PTTG1IP: variants seen among roughly 807,000 people sequenced by gnomAD.
The protein encoded by PTTG1IP is pituitary tumor-transforming gene 1 protein-interacting protein.
In PTTG1IP, 16 loss-of-function variants were observed where a neutral mutation model predicts 24.4. The ratio of observed to expected loss-of-function variants is 0.66; its 90% confidence interval spans 0.44 to 1.00. The LOEUF is 1.00. Ranked by LOEUF, PTTG1IP falls within the 50% of genes least tolerant of loss-of-function variation. PTTG1IP has a pLI of 0.00. For synonymous variants in PTTG1IP, 89 were observed against 96.8 expected, an observed-to-expected ratio of 0.92 and a Z score of 0.47; for missense variants, 241 against 245.8, an observed-to-expected ratio of 0.98 and a Z score of 0.13.
chr21:44,872,006 T>C (rs2083590364), intron 1 of PTTG1IP, among the ~76,000 whole-genome samples: 3 of 152,204 alleles, frequency 2.0e-5, no homozygotes, highest in Admixed American at 2.0e-4. Context: ...CTCTGCACCC[T>C]TCAGCAGTGC....
chr21:44,869,087 C>A (rs894879239), intron 1 of PTTG1IP, among the ~76,000 whole-genome samples: 2 of 152,230 alleles, frequency 1.3e-5, no homozygotes, highest in Admixed American at 1.3e-4. Flanking sequence ...AGGAAACACC[C>A]GGTAAGACCC....
chr21:44,866,850 G>A lies in PTTG1IP; in HGVS notation c.116-1403C>T, dbSNP rs563816101. 2.0e-5 allele frequency among the ~76,000 whole-genome samples: 3 copies of A among 152,368 alleles called. No individual in the cohort carries two copies. In the South Asian group the frequency reaches 6.2e-4, roughly 32 times the overall value. ...GACAATACCAAATGTTGGCAAGGAT[G>A]TACAGCAACAGAACTCTCACACAGT... On this transcript the variant is annotated intron_variant, in intron 1 of 5. Coordinates refer to ENST00000330938, the MANE Select transcript of PTTG1IP (RefSeq NM_004339.4).
chr21:44,860,043 G>A (rs1313238568), intron 3 of PTTG1IP, among the ~76,000 whole-genome samples: 1 of 152,146 alleles, frequency 6.6e-6, no homozygotes, highest in Non-Finnish European at 1.5e-5. Context: ...ATGAGTTCTA[G>A]GTTACAAAAC....
chr21:44,861,994 G>C (rs1392179720), intron 2 of PTTG1IP: 4 of 634,442 alleles, frequency 6.3e-6, no homozygotes, highest in African/African-American at 3.6e-5. Flanking sequence ...CTGACAGCTG[G>C]AGAGAACCTC....
In PTTG1IP at chr21:44,856,234, G is replaced by T; in HGVS notation, c.408C>A (p.Ala136=). 1 of 1,614,110 alleles carries T rather than the reference G, an allele frequency of 6.2e-7. No homozygotes were observed. The highest frequency in any genetic ancestry group is 8.5e-7 in the Non-Finnish European group (1 of 1,180,004). ...TCCGCCTCTCCTCCCGCTCACGCAT[G>T]GCCTTCTCCTCACTCCTGTCCGGCT... is the stretch of plus-strand genomic sequence containing the variant. ...SRKPDRSEEK[A]MREREERRIR... Residue 136 remains alanine, a synonymous_variant, in exon 4 of 6, where the codon GCC becomes GCA. Coordinates refer to ENST00000330938, the MANE Select transcript of PTTG1IP (RefSeq NM_004339.4).
chr21:44,858,670 T>C (rs1483238376), intron 3 of PTTG1IP, among the ~76,000 whole-genome samples: 1 of 152,240 alleles, frequency 6.6e-6, no homozygotes, highest in African/African-American at 2.4e-5. Flanking sequence ...GCCGCTCTCA[T>C]GTGCAGGGCT....
chr21:44,866,396 CACAG>C (rs1287419794), intron 1 of PTTG1IP, among the ~76,000 whole-genome samples: 6 of 109,642 alleles, frequency 5.5e-5, no homozygotes, highest in East Asian at 4.0e-4. Flanking sequence ...CACACACACA[CACAG>C]AGACTGCCTA....
At chr21:44,869,285 A>C (rs568451364) in intron 1 of PTTG1IP, among the ~76,000 whole-genome samples, 1 of 152,364 alleles carries the variant, frequency 6.6e-6, no homozygotes, top group Admixed American at 6.5e-5. Context: ...CAGGTATTCA[A>C]TGTTACATGT....
At chr21:44,861,098 G>C (rs569957816) in intron 3 of PTTG1IP, 65 bp downstream of exon 3, 2 of 1,438,488 alleles carry the variant, frequency 1.4e-6, no homozygotes, top group South Asian at 2.4e-5. Flanking sequence ...CACCGCGCCC[G>C]GCCCATACTA....
chr21:44,865,272 C>A, intron 2 of PTTG1IP, 123 bp downstream of exon 2: 1 of 942,980 alleles, frequency 1.1e-6, no homozygotes, highest in Non-Finnish European at 1.7e-6. Flanking sequence ...CAAAAAACAT[C>A]CCCCCAAATC....
chr21:44,867,031 G>A (rs994354847), intron 1 of PTTG1IP, among the ~76,000 whole-genome samples: 5 of 152,220 alleles, frequency 3.3e-5, no homozygotes, highest in African/African-American at 1.2e-4. Flanking sequence ...GCGCAGGAAG[G>A]CTCCGTGACA....
chr21:44,854,031 C>T (rs1601242761), intron 5 of PTTG1IP, among the ~76,000 whole-genome samples: 3 of 152,142 alleles, frequency 2.0e-5, no homozygotes, highest in Admixed American at 6.5e-5. Context: ...AGCCACCCAG[C>T]GTTTACAGTC....
chr21:44,865,573 A>C (rs2083529495), intron 1 of PTTG1IP, 126 bp from the exon 2 acceptor site: 1 of 912,868 alleles, frequency 1.1e-6, no homozygotes, highest in Non-Finnish European at 1.8e-6. Flanking sequence ...GGAATTACCA[A>C]ATGAAGGTCC....
intron 1 of PTTG1IP, among the ~76,000 whole-genome samples, chr21:44,869,558 A>G (rs768832741): frequency 3.3e-5 from 5 of 152,228 alleles, no homozygotes; most frequent in Non-Finnish European, 7.3e-5. Context: ...CTCGGCCTCC[A>G]AAAGTGCTGG....
chr21:44,860,599 T>C (rs2083483559), intron 3 of PTTG1IP, among the ~76,000 whole-genome samples: 1 of 152,084 alleles, frequency 6.6e-6, no homozygotes, highest in African/African-American at 2.4e-5. Context: ...CACGTTGCCT[T>C]CAAACTCACC....
chr21:44,861,347 C>A, intron 2 of PTTG1IP, 76 bp from the exon 3 acceptor site: 4 of 1,242,180 alleles, frequency 3.2e-6, no homozygotes, highest in Non-Finnish European at 4.6e-6. Flanking sequence ...TGCCCACAGC[C>A]CGCCAGTGCT....
At chr21:44,855,320 C>T (rs1338448553) in intron 4 of PTTG1IP, 64 bp from the exon 5 acceptor site, 17 of 1,521,572 alleles carry the variant, frequency 1.1e-5, no homozygotes, top group Non-Finnish European at 1.5e-5. Context: ...CTGCTAGACA[C>T]GCCCTTCCGT....
intron 3 of PTTG1IP, among the ~76,000 whole-genome samples, chr21:44,858,990 G>A (rs916234060): frequency 1.3e-5 from 2 of 152,158 alleles, no homozygotes; most frequent in African/African-American, 2.4e-5. Context: ...AATATGCTCC[G>A]TGACACAGCA....
chr21:44,873,384 G>A (rs1416498849), intron 1 of PTTG1IP, 118 bp downstream of exon 1: 91 of 1,022,334 alleles, frequency 8.9e-5, no homozygotes, highest in Non-Finnish European at 1.0e-4. Context: ...GCCTGCGACC[G>A]TGGGCCCAGG....
Sources: gnomAD v4.1 joint callset for allele counts (sites outside exome capture counted in the v4.1 genomes callset) on GRCh38, gnomAD v4.1.1 for gene constraint, MANE v1.5 for transcripts, NCBI Gene and HGNC (gene_info 2026-07-23, HGNC 2026-07-21) for gene names.